The following ABHD17C variants were observed in gnomAD, a reference collection of about 807,000 sequenced individuals.
ABHD17C encodes abhydrolase domain containing 17C, depalmitoylase.
A neutral mutation model predicts 27.9 loss-of-function variants in ABHD17C; 11 were observed. That is an observed-to-expected ratio of 0.39 (90% confidence interval 0.25 to 0.65). ABHD17C has a LOEUF of 0.65. Ranked by LOEUF, ABHD17C falls within the 30% of genes least tolerant of loss-of-function variation. The probability of loss-of-function intolerance (pLI) is 0.45; values close to 1 mark genes in which losing one functional copy is unlikely to be tolerated. For missense variants in ABHD17C, 280 were observed against 470.2 expected (o/e 0.60, Z 3.74); for synonymous variants, 233 against 209.1 (o/e 1.11, Z -0.98).
At chr15:80,714,850 A>G (rs928882815) in intron 1 of ABHD17C, among the ~76,000 whole-genome samples, 2 of 152,218 alleles carry the variant, frequency 1.3e-5, no homozygotes, top group Non-Finnish European at 2.9e-5. Flanking sequence ...TTTCTCAGAA[A>G]TACAGTATCT....
rs1263939067 is a variant in ABHD17C, at chr15:80,754,356, C to A, written c.976C>A (p.Leu326Ile). 8.7e-6 allele frequency: 14 copies of A among 1,612,572 alleles called. No individual in the cohort carries two copies. Among genetic ancestry groups the A allele is most frequent in the Non-Finnish European group, 9.3e-6 (11 of 1,179,232 alleles). Residue 326 changes from leucine to isoleucine, a missense_variant, in exon 3 of 3, where the codon CTT (leucine) becomes ATT (isoleucine). Physicochemically the swap from Leu to Ile is conservative, Grantham distance 5. Transcript: ENST00000258884. ...ACTAAAACAGTTCATATCTCACGAA[C>A]TTCCTAATTCCTGAAGACAACAACT... ...ERLKQFISHE[L>I]PNS is the part of the protein sequence containing the mutation.
At chr15:80,702,405 CG>C (rs765535326) in intron 1 of ABHD17C, among the ~76,000 whole-genome samples, 5 of 151,978 alleles carry the variant, frequency 3.3e-5, no homozygotes, top group Non-Finnish European at 5.9e-5. Context: ...GAGACCAGCC[CG>C]GGCAACATAA....
intron 1 of ABHD17C, among the ~76,000 whole-genome samples, chr15:80,732,935 A>G (rs534797995): frequency 6.6e-6 from 1 of 152,276 alleles, no homozygotes; most frequent in African/African-American, 2.4e-5. Flanking sequence ...TGTTTATGGA[A>G]ACAGGAAAGT....
intron 1 of ABHD17C, among the ~76,000 whole-genome samples, chr15:80,700,521 A>ATTT (rs1894557327): frequency 6.6e-6 from 1 of 152,248 alleles, no homozygotes; most frequent in Non-Finnish European, 1.5e-5. Flanking sequence ...AAGAAGATAA[A>ATTT]TAAGACTCTT....
chr15:80,744,150 G>T (rs1327288718), intron 1 of ABHD17C, among the ~76,000 whole-genome samples: 1 of 144,930 alleles, frequency 6.9e-6, no homozygotes, highest in Non-Finnish European at 1.5e-5. Flanking sequence ...AACTAAAGGG[G>T]CCTTAGGCTG....
At chr15:80,728,563 A>G (rs992638435) in intron 1 of ABHD17C, among the ~76,000 whole-genome samples, 1 of 152,204 alleles carries the variant, frequency 6.6e-6, no homozygotes, top group Non-Finnish European at 1.5e-5. Flanking sequence ...CTCAATGCCT[A>G]TGGGCATTTT....
rs1195297750 is a variant in ABHD17C, at chr15:80,754,364, T to C, written c.984T>C (p.Asn328=). The C allele has an allele frequency of 1.2e-6, 2 of 1,611,346 alleles. No homozygotes were observed. Among genetic ancestry groups the C allele is most frequent in the Non-Finnish European group, 1.7e-6 (2 of 1,178,432 alleles). ...AGTTCATATCTCACGAACTTCCTAA[T>C]TCCTGAAGACAACAACTTGATCTTA... ...LKQFISHELP[N]S The change falls in exon 3 of 3, where the codon AAT becomes AAC. Residue 328 remains asparagine, a synonymous_variant. Coordinates refer to ENST00000258884, the MANE Select transcript of ABHD17C (RefSeq NM_021214.2).
chr15:80,738,985 G>A (rs1433997453), intron 1 of ABHD17C, among the ~76,000 whole-genome samples: 1 of 152,284 alleles, frequency 6.6e-6, no homozygotes, highest in African/African-American at 2.4e-5. Flanking sequence ...ATGCCAGAAA[G>A]GGGTGAGGAT....
chr15:80,713,232 C>T (rs1894751134), intron 1 of ABHD17C, among the ~76,000 whole-genome samples: 1 of 152,034 alleles, frequency 6.6e-6, no homozygotes, highest in African/African-American at 2.4e-5. Flanking sequence ...CCTTGGTGTG[C>T]CGTGGTAACA....
intron 1 of ABHD17C, among the ~76,000 whole-genome samples, chr15:80,737,177 T>C (rs1266137560): frequency 2.6e-5 from 4 of 152,362 alleles, no homozygotes; most frequent in South Asian, 2.1e-4. Context: ...CACATCGCAC[T>C]GCCCGTGACA....
chr15:80,750,017 G>C (rs1023424242), intron 2 of ABHD17C, among the ~76,000 whole-genome samples: 1 of 152,112 alleles, frequency 6.6e-6, no homozygotes, highest in African/African-American at 2.4e-5. Context: ...TTCAGCACTC[G>C]CTCATTCATT....
At chr15:80,704,037 G>A (rs974709345) in intron 1 of ABHD17C, among the ~76,000 whole-genome samples, 1 of 152,218 alleles carries the variant, frequency 6.6e-6, no homozygotes, top group Non-Finnish European at 1.5e-5. Context: ...CTCTCACAGA[G>A]TATCTTGTTC....
In ABHD17C at chr15:80,695,994, G is replaced by T; in HGVS notation, c.565G>T (p.Ala189Ser). Residue 189 changes from alanine to serine, a missense_variant, in exon 1 of 3, where the codon GCC becomes TCC. Around this residue, in one of 2 missense-constraint regions of ABHD17C, gnomAD observed 206 missense variants for 394.7 expected, o/e 0.52. Coordinates refer to ENST00000258884, the MANE Select transcript of ABHD17C (RefSeq NM_021214.2). The surrounding 1 kb of genome is among the most constrained non-coding windows in gnomAD (Gnocchi z 4.3). ...SEKNLYADID[A>S]AWQALRTRYG... is the part of the protein sequence containing the mutation. Reference sequence around the variant, plus strand: ...GAAGAACCTCTACGCCGACATCGACGCCGCGTGGCAGGCGCTGCGCACCCG... The same window carrying T: ...GAAGAACCTCTACGCCGACATCGACTCCGCGTGGCAGGCGCTGCGCACCCG... 6.3e-7 allele frequency: 1 copy of T among 1,581,712 alleles called. No individual in the cohort carries two copies. The highest frequency in any genetic ancestry group is 8.5e-7 in the Non-Finnish European group (1 of 1,171,820).
intron 2 of ABHD17C, among the ~76,000 whole-genome samples, chr15:80,752,629 T>TA (rs1254855520): frequency 1.3e-5 from 2 of 152,244 alleles, no homozygotes; most frequent in Non-Finnish European, 2.9e-5. Flanking sequence ...TGTTAGCTGT[T>TA]ACTTTTAACA....
intron 1 of ABHD17C, among the ~76,000 whole-genome samples, chr15:80,728,870 C>G (rs1418482370): frequency 6.6e-6 from 1 of 152,158 alleles, no homozygotes; most frequent in Non-Finnish European, 1.5e-5. Context: ...CTCAGCCTCC[C>G]AAAGTGCTGG....
chr15:80,727,364 G>A (rs536069310), intron 1 of ABHD17C, among the ~76,000 whole-genome samples: 1 of 152,256 alleles, frequency 6.6e-6, no homozygotes, highest in East Asian at 1.9e-4. Context: ...TGGTTGTTTG[G>A]CAGGTGGAAC....
intron 1 of ABHD17C, among the ~76,000 whole-genome samples, chr15:80,749,202 G>A (rs1439066763): frequency 6.6e-6 from 1 of 152,132 alleles, no homozygotes; most frequent in Non-Finnish European, 1.5e-5. Flanking sequence ...GAAATGAGAT[G>A]ACCATCTTTG....
At chr15:80,719,866 C>T (rs1214476028) in intron 1 of ABHD17C, among the ~76,000 whole-genome samples, 1 of 152,154 alleles carries the variant, frequency 6.6e-6, no homozygotes, top group East Asian at 1.9e-4. Context: ...AGTGTGATCT[C>T]AGCTCACTGC....
At chr15:80,737,854 A>G (rs527954820) in intron 1 of ABHD17C, among the ~76,000 whole-genome samples, 84 of 152,318 alleles carry the variant, frequency 5.5e-4, no homozygotes, top group Non-Finnish European at 8.2e-4. Flanking sequence ...CTGGAGAGAA[A>G]AGAAAATGTT....
Sources: allele counts gnomAD v4.1 joint callset (sites outside exome capture counted in the v4.1 genomes callset), GRCh38; gene constraint gnomAD v4.1.1; regional missense constraint gnomAD v4.1.1; non-coding constraint Gnocchi (gnomAD v3.1); transcripts MANE v1.5; gene names NCBI Gene and HGNC (gene_info 2026-07-23, HGNC 2026-07-21).